NODAL: variants seen among roughly 807,000 people sequenced by gnomAD.
The protein encoded by NODAL is nodal growth differentiation factor, also known as nodal homolog.
NODAL carries 12 observed loss-of-function variants against 34.0 expected under a neutral mutation model. That is an observed-to-expected ratio of 0.35 (90% CI 0.23 to 0.57). The LOEUF is 0.57. Among genes scored for constraint, NODAL ranks in the 20% least tolerant of loss-of-function variants. The pLI is 0.83. For missense variants in NODAL, 390 were observed against 444.2 expected (o/e 0.88, Z 1.10); for synonymous variants, 162 against 186.4 (o/e 0.87, Z 1.07).
At chr10:70,443,026 G>A (rs749642587), upstream of NODAL, among the ~76,000 whole-genome samples, 5 of 152,158 alleles carry the variant, frequency 3.3e-5, no homozygotes, top group Admixed American at 6.5e-5. Context: ...GGCAAAGGTT[G>A]CAATAAGCCA....
intron 1 of NODAL, among the ~76,000 whole-genome samples, chr10:70,437,314 C>T (rs954415096): frequency 1.3e-5 from 2 of 152,218 alleles, no homozygotes; most frequent in East Asian, 1.9e-4. Flanking sequence ...TGGTGGCTCA[C>T]GCCTAATCCC....
intron 1 of NODAL, among the ~76,000 whole-genome samples, chr10:70,437,862 T>G (rs904221207): frequency 2.6e-5 from 4 of 152,132 alleles, no homozygotes; most frequent in African/African-American, 9.7e-5. Flanking sequence ...ACTTCCCTCC[T>G]CATTAGCACC....
chr10:70,434,521 C>T (rs978353947), intron 2 of NODAL, among the ~76,000 whole-genome samples: 92 of 152,214 alleles, frequency 6.0e-4, no homozygotes, highest in African/African-American at 2.1e-3. Context: ...TGCCACAACA[C>T]CCGGCTGATT....
intron 1 of NODAL, among the ~76,000 whole-genome samples, chr10:70,437,447 A>AAC (rs1564668028): frequency 2.2e-4 from 34 of 152,078 alleles, no homozygotes; most frequent in African/African-American, 3.1e-4. Flanking sequence ...GTCTCAACAA[A>AAC]AACAACAACA....
Position 70,435,378 on chromosome 10 carries a change from A to G in NODAL, c.799T>C (p.Tyr267His). 6.2e-7 allele frequency: 1 copy of G among 1,614,164 alleles called. No individual in the cohort carries two copies. The highest frequency in any genetic ancestry group is 8.5e-7 in the Non-Finnish European group (1 of 1,180,028). Residue 267 changes from tyrosine (Y) to histidine (H), a missense_variant, in exon 2 of 3, where the codon TAC becomes CAC. By Grantham distance (83) the Tyr-to-His change is moderately conservative. Coordinates refer to ENST00000287139, the MANE Select transcript of NODAL (RefSeq NM_018055.5). ...CGATAGGCGTTGTACTGCTTGGGGT[A>G]GATGATCCAGGAGCCCCATCCGATC... ...NLIGWGSWII[Y>H]PKQYNAYRCE...
At chr10:70,447,453 A>G (rs1233276062) in intron 1 of NODAL, among the ~76,000 whole-genome samples, 1 of 152,062 alleles carries the variant, frequency 6.6e-6, no homozygotes, top group Non-Finnish European at 1.5e-5. Flanking sequence ...TGGGAGGCCA[A>G]GATGGAAGGA....
chr10:70,441,818 G>A, upstream of NODAL: 1 of 835,438 alleles, frequency 1.2e-6, no homozygotes, highest in Admixed American at 2.4e-5. Context: ...CCTCCTGCTG[G>A]GGATGGGCGA....
At chr10:70,446,710 C>G (rs1270645170) in intron 1 of NODAL, among the ~76,000 whole-genome samples, 2 of 152,048 alleles carry the variant, frequency 1.3e-5, no homozygotes, top group Non-Finnish European at 2.9e-5. Flanking sequence ...CAATCCTGTT[C>G]ACCCCTCACT....
At chr10:70,441,290 C>T (rs972234825) in intron 1 of NODAL, among the ~76,000 whole-genome samples, 185 bp downstream of exon 1, 8 of 152,272 alleles carry the variant, frequency 5.3e-5, no homozygotes, top group Non-Finnish European at 1.0e-4. Flanking sequence ...ACCAACGCTG[C>T]ACCCCGAGCC....
At chr10:70,442,156 G>T (rs1845439670), upstream of NODAL, among the ~76,000 whole-genome samples, 1 of 152,226 alleles carries the variant, frequency 6.6e-6, no homozygotes, top group Non-Finnish European at 1.5e-5. Context: ...TCTGGCCGGC[G>T]CAGCCTCCCT....
upstream of NODAL, among the ~76,000 whole-genome samples, chr10:70,444,823 C>G (rs1251685074): frequency 3.3e-5 from 5 of 152,204 alleles, no homozygotes; most frequent in African/African-American, 1.2e-4. Context: ...GAGGATGATG[C>G]ATGCGGGTAT....
intron 1 of NODAL, among the ~76,000 whole-genome samples, chr10:70,440,312 G>T (rs1163199631): frequency 6.6e-6 from 1 of 152,132 alleles, no homozygotes; most frequent in East Asian, 1.9e-4. Context: ...CCCATCCCCG[G>T]CCGCTTTTCG....
rs748212376 is a variant in NODAL at position 70,435,485 on chromosome 10, C to T, written c.692G>A (p.Trp231Ter). The stretch of plus-strand genomic sequence containing the variant: ...GTGATGTCGACGGTGCCTCTTGCCC[C>T]ACTCCCAGGACAGCTGTCCCTCCTG... ...RAQEGQLSWE[W>*]GKRHRRHHLP... Residue 231 changes from tryptophan to a stop codon, truncating the protein, a stop_gained, in exon 2 of 3, where the codon TGG (tryptophan) becomes TAG (stop). Transcript: ENST00000287139. LOFTEE classifies it high-confidence loss of function. 1.9e-6 allele frequency: 3 copies of T among 1,614,208 alleles called. No individual in the cohort carries two copies. The highest frequency in any genetic ancestry group is 2.5e-6 in the Non-Finnish European group (3 of 1,180,042).
chr10:70,438,377 C>G (rs1344152141), intron 1 of NODAL, among the ~76,000 whole-genome samples: 1 of 152,148 alleles, frequency 6.6e-6, no homozygotes, highest in African/African-American at 2.4e-5. Context: ...CCCAAGTCTC[C>G]CCATGATGGC....
intron 1 of NODAL, among the ~76,000 whole-genome samples, chr10:70,437,779 G>T (rs1477609213): frequency 6.6e-6 from 1 of 152,034 alleles, no homozygotes; most frequent in Non-Finnish European, 1.5e-5. Flanking sequence ...ATTGTAAAGG[G>T]GTCACTCCCA....
Position 70,432,684 on chromosome 10 carries a change from G to T in NODAL, c.*252C>A. ...GCTTTTCCTTGCCACTGTCTTTTCA[G>T]TAAAGAGAACATCCAGCCAGCCCCC... is the stretch of plus-strand genomic sequence containing the variant. On this transcript the variant is annotated 3_prime_UTR_variant, in exon 3 of 3. Coordinates refer to ENST00000287139, the MANE Select transcript of NODAL (RefSeq NM_018055.5). 1 of 537,644 alleles carries T rather than the reference G, an allele frequency of 1.9e-6. No individual in the cohort carries two copies. Among genetic ancestry groups the T allele is most frequent in the Non-Finnish European group, 3.3e-6 (1 of 298,692 alleles). 33.3% of individuals were successfully genotyped at this position (537,644 alleles called of 1,614,324 possible).
intron 1 of NODAL, among the ~76,000 whole-genome samples, chr10:70,436,860 G>T (rs1439430391): frequency 6.6e-6 from 1 of 152,192 alleles, no homozygotes; most frequent in Non-Finnish European, 1.5e-5. Flanking sequence ...GAAAGTGGGA[G>T]TTGCCCCTTT....
intron 1 of NODAL, among the ~76,000 whole-genome samples, chr10:70,440,241 C>T (rs1324682874): frequency 6.6e-6 from 1 of 152,230 alleles, no homozygotes; most frequent in Non-Finnish European, 1.5e-5. Context: ...TCACCGCACA[C>T]ATCTCGAACT....
At chr10:70,437,396 G>A (rs1317089175) in intron 1 of NODAL, among the ~76,000 whole-genome samples, 1 of 152,148 alleles carries the variant, frequency 6.6e-6, no homozygotes, top group Non-Finnish European at 1.5e-5. Context: ...AGCCGGGATC[G>A]CGCCACTGAA....
Sources: allele counts gnomAD v4.1 joint callset (sites outside exome capture counted in the v4.1 genomes callset), GRCh38; gene constraint gnomAD v4.1.1; transcripts MANE v1.5; gene names NCBI Gene and HGNC (gene_info 2026-07-23, HGNC 2026-07-21).